PSMA7: variants seen among roughly 807,000 people sequenced by gnomAD.
The protein encoded by PSMA7 is proteasome 20S subunit alpha 7, also known as proteasome subunit alpha type-7.
A neutral mutation model predicts 31.3 loss-of-function variants in PSMA7; 5 were observed. The observed-to-expected ratio is 0.16, with a 90% confidence interval of 0.08 to 0.34. The LOEUF is 0.34. Among genes scored for constraint, PSMA7 ranks in the 10% least tolerant of loss-of-function variants. PSMA7 has a pLI of 1.00. For synonymous variants in PSMA7, 155 were observed against 121.9 expected (o/e 1.27, Z -1.79); for missense variants, 217 against 327.5 (o/e 0.66, Z 2.60).
At chr20:62,139,514 C>A in intron 3 of PSMA7, 1 of 686,960 alleles carries the variant, frequency 1.5e-6, no homozygotes. Context: ...TGCTTTGTGA[C>A]TGGTCACTCA....
At chr20:62,137,050 A>G (rs1388904012) in intron 6 of PSMA7, 101 bp from the exon 7 acceptor site, 18 of 1,476,564 alleles carry the variant, frequency 1.2e-5, no homozygotes, top group Non-Finnish European at 1.7e-5. Flanking sequence ...TGCTGCTCAT[A>G]CAGCCTCTTT....
chr20:62,139,717 C>A (rs1201529345), intron 3 of PSMA7, 64 bp downstream of exon 3: 4 of 1,612,764 alleles, frequency 2.5e-6, no homozygotes, highest in Non-Finnish European at 3.4e-6. Flanking sequence ...TGGCAGGACC[C>A]TCCATGGCGG....
intron 6 of PSMA7, 131 bp from the exon 7 acceptor site, chr20:62,137,080 A>C: frequency 7.7e-7 from 1 of 1,294,490 alleles, no homozygotes; most frequent in Non-Finnish European, 1.1e-6. Flanking sequence ...CCTCAAGAAA[A>C]ACAAGAGGAT....
intron 1 of PSMA7, among the ~76,000 whole-genome samples, chr20:62,142,796 C>T (rs984637607): frequency 2.0e-5 from 3 of 152,078 alleles, no homozygotes; most frequent in Non-Finnish European, 2.9e-5. Flanking sequence ...GCGTGAACAG[C>T]CCCCCAGCGA....
chr20:62,143,035 T>C (rs950696390), intron 1 of PSMA7, among the ~76,000 whole-genome samples, 173 bp downstream of exon 1: 5 of 149,706 alleles, frequency 3.3e-5, no homozygotes, highest in African/African-American at 1.2e-4. Context: ...CTGCAGGCAC[T>C]CGTGGAGACC....
chr20:62,138,759 T>C (rs1169201164), intron 4 of PSMA7, among the ~76,000 whole-genome samples: 2 of 152,248 alleles, frequency 1.3e-5, no homozygotes, highest in East Asian at 1.9e-4. Context: ...GGTTCTGCCA[T>C]GTTGGCCAGG....
intron 1 of PSMA7, among the ~76,000 whole-genome samples, chr20:62,142,947 G>A (rs1432415015): frequency 1.3e-5 from 2 of 150,222 alleles, no homozygotes; most frequent in African/African-American, 2.4e-5. Flanking sequence ...CGTGCCCGGG[G>A]CCCCACGCGA....
At chr20:62,141,681 G>T (rs1225793538) in intron 1 of PSMA7, among the ~76,000 whole-genome samples, 1 of 152,230 alleles carries the variant, frequency 6.6e-6, no homozygotes, top group Admixed American at 6.5e-5. Flanking sequence ...CTGTAGTTGT[G>T]AAATTATATT....
chr20:62,143,343 C>A lies in PSMA7; in HGVS notation c.-40G>T. The stretch of plus-strand genomic sequence containing the variant: ...GCCGGGCTCCTTCCGCCGCGACTCT[C>A]AAAAGCGCACACTCACGGCCCGCGC... On this transcript the variant is annotated 5_prime_UTR_variant, in exon 1 of 7. Transcript: ENST00000370873. 1 of 1,294,030 alleles carries A rather than the reference C, an allele frequency of 7.7e-7. No individual in the cohort carries two copies. The highest frequency in any genetic ancestry group is 1.5e-5 in the South Asian group (1 of 68,308). 80.2% of individuals were successfully genotyped at this position (1,294,030 alleles called of 1,614,324 possible). A position where few individuals can be genotyped will look rare whatever the true frequency, so the allele number is the denominator to read the frequency against.
chr20:62,143,132 G>GGCCCCGGCCCTCTCTGGGC (rs1275873914), intron 1 of PSMA7, 76 bp downstream of exon 1: 3 of 961,736 alleles, frequency 3.1e-6, no homozygotes, highest in Non-Finnish European at 3.8e-6. Flanking sequence ...CGCCGCGCCC[G>GGCCCCGGCCCTCTCTGGGC]GCCCCGGCCC....
At chr20:62,140,564 A>G (rs569098296) in intron 2 of PSMA7, among the ~76,000 whole-genome samples, 2 of 152,358 alleles carry the variant, frequency 1.3e-5, no homozygotes, top group South Asian at 4.1e-4. Flanking sequence ...ATACAGAAAA[A>G]TAACAGTGGA....
At position 62,139,603 on chromosome 20, in the gene PSMA7, C is replaced by T. The variant is rs1298383282; in HGVS notation, c.348+178G>A. On this transcript the variant is annotated intron_variant, in intron 3 of 6. Transcript: ENST00000370873. ...CCCATGCCAGGAACTGAGAACAGAA[C>T]AATGTTACTGAAATTGGTGAGCTAG... 7.0e-6 allele frequency: 7 copies of T among 1,000,032 alleles called. No individual in the cohort carries two copies. The Admixed American group carries it at 1.4e-4, about 21-fold the overall frequency. The allele number at this position is 1,000,032 out of a possible 1,614,324, so 61.9% of individuals were successfully genotyped here. A position where few individuals can be genotyped will look rare whatever the true frequency, so the allele number is the denominator to read the frequency against.
At chr20:62,140,169 A>G (rs1217875315) in intron 2 of PSMA7, among the ~76,000 whole-genome samples, 3 of 152,192 alleles carry the variant, frequency 2.0e-5, no homozygotes, top group Non-Finnish European at 2.9e-5. Context: ...TTACTACCCC[A>G]TAAACCCATT....
In PSMA7 at chr20:62,136,801, A is replaced by C; in HGVS notation, c.*56T>G. Reference sequence around the variant, plus strand: ...ATGGAATGGAAAGGCCTACACATCGAGACTCATCCATGATTGATATGAATT... The same window carrying C: ...ATGGAATGGAAAGGCCTACACATCGCGACTCATCCATGATTGATATGAATT... On this transcript the variant is annotated 3_prime_UTR_variant, in exon 7 of 7. Coordinates refer to ENST00000370873, the MANE Select transcript of PSMA7 (RefSeq NM_002792.4). 1 of 1,561,686 alleles carries C rather than the reference A, an allele frequency of 6.4e-7. No individual in the cohort carries two copies. Among genetic ancestry groups the C allele is most frequent in the Non-Finnish European group, 8.6e-7 (1 of 1,158,126 alleles).
In PSMA7 at chr20:62,138,262, G is replaced by A; in HGVS notation, c.500C>T (p.Ser167Leu). Residue 167 changes from serine (S) to leucine (L), a missense_variant, in exon 5 of 7, where the codon TCA becomes TTA. Physicochemically the swap from Ser to Leu is moderately radical, Grantham distance 145 (BLOSUM62 -2). This residue lies in a region of PSMA7 where 88 missense variants were observed against 111.6 expected (regional missense o/e 0.79). Transcript: ENST00000370873. ...KANAIGRGAK[S>L]VREFLEKNYT... ...GTTCTTCTCCAGGAACTCGCGCACT[G>A]ACTTGGCACCCCGACCTATGGCATT... 1 of 1,613,270 alleles carries A rather than the reference G, an allele frequency of 6.2e-7. No homozygotes were observed. The highest frequency in any genetic ancestry group is 8.5e-7 in the Non-Finnish European group (1 of 1,179,438).
At chr20:62,140,773 G>A (rs375069079) in intron 2 of PSMA7, 45 bp downstream of exon 2, 49 of 1,604,100 alleles carry the variant, frequency 3.1e-5, no homozygotes, top group Admixed American at 6.7e-5. Context: ...CCTATTCTTC[G>A]CTGAGACTCT....
chr20:62,140,999 T>C (rs914058276), intron 1 of PSMA7, 55 bp from the exon 2 acceptor site: 301 of 1,603,894 alleles, frequency 1.9e-4, no homozygotes, highest in Non-Finnish European at 2.4e-4. Context: ...CTGGGTGCAG[T>C]GGCTCATGCC....
At position 62,136,859 on chromosome 20, in the gene PSMA7, A is replaced by G. The variant is rs746104733; in HGVS notation, c.745T>C (p.Ter249ArgextTer1). 8 of 1,598,022 alleles carry G rather than the reference A, an allele frequency of 5.0e-6. No homozygotes were observed. Among genetic ancestry groups the G allele is most frequent in the Non-Finnish European group, 6.8e-6 (8 of 1,175,066 alleles). ...NEKKKQKKAS[*>R] ...TACAAGCAAAGACATTTTATTCATC[A>G]TGATGCTTTCTTTTGTTTCTTCTTT... The change falls in exon 7 of 7, where the codon TGA becomes CGA. Residue 249 changes from the stop codon to arginine (R), a stop_lost. Transcript: ENST00000370873.
At position 62,143,232 on chromosome 20, in the gene PSMA7, C is replaced by A; in HGVS notation, c.72G>T (p.Glu24Asp). Residue 24 changes from glutamate to aspartate, a missense_variant, in exon 1 of 7, where the codon GAG (glutamate) becomes GAT (aspartate). Glu to Asp is a conservative substitution (Grantham distance 45). Around this residue, in one of 3 missense-constraint regions of PSMA7, gnomAD observed 76 missense variants for 96.5 expected, o/e 0.79. Transcript: ENST00000370873. ...CCGCGGTCGAGCCCTTCTTGACGGC[C>A]TCCTGCGCGTACTCCACTTGGAAGA... ...GHLFQVEYAQ[E>D]AVKKGSTAVG... 1 of 1,463,780 alleles carries A rather than the reference C, an allele frequency of 6.8e-7. No individual in the cohort carries two copies. Among genetic ancestry groups the A allele is most frequent in the Non-Finnish European group, 9.1e-7 (1 of 1,102,644 alleles). 90.7% of individuals were successfully genotyped at this position (1,463,780 alleles called of 1,614,324 possible).
Sources: gnomAD v4.1 joint callset for allele counts (sites outside exome capture counted in the v4.1 genomes callset) on GRCh38, gnomAD v4.1.1 for gene constraint, gnomAD v4.1.1 regional missense constraint, MANE v1.5 for transcripts, NCBI Gene and HGNC (gene_info 2026-07-23, HGNC 2026-07-21) for gene names.